The following ABLIM2 variants were observed in gnomAD, a reference collection of about 807,000 sequenced individuals.
ABLIM2 encodes the protein actin binding LIM protein family member 2.
A neutral mutation model predicts 97.7 loss-of-function variants in ABLIM2; 53 were observed. That is an observed-to-expected ratio of 0.54 (90% confidence interval 0.44 to 0.68). The LOEUF is 0.68. Ranked by LOEUF, ABLIM2 falls within the 30% of genes least tolerant of loss-of-function variation. The probability of loss-of-function intolerance (pLI) is 0.00; values close to 1 mark genes in which losing one functional copy is unlikely to be tolerated. For missense variants in ABLIM2, 835 were observed against 867.2 expected (o/e 0.96, Z 0.47); for synonymous variants, 361 against 345.8 (o/e 1.04, Z -0.49).
intron 20 of ABLIM2, among the ~76,000 whole-genome samples, chr4:7,980,686 AC>A (rs1435056838): frequency 6.6e-6 from 1 of 150,716 alleles, no homozygotes; most frequent in African/African-American, 2.4e-5. Flanking sequence ...CTGCACTCCA[AC>A]CTGAGTGACA....
In ABLIM2 at chr4:8,067,803, G is replaced by A. The variant is rs1261928058; in HGVS notation, c.676-6749C>T. The A allele has an allele frequency of 6.6e-6, 1 of 152,316 alleles. No individual in the cohort carries two copies. The highest frequency in any genetic ancestry group is 1.5e-5 in the Non-Finnish European group (1 of 68,092). 9.4% of individuals were successfully genotyped at this position (152,316 alleles called of 1,614,324 possible). A position where few individuals can be genotyped will look rare whatever the true frequency, so the allele number is the denominator to read the frequency against. On this transcript the variant is annotated intron_variant, in intron 6 of 20. Transcript: ENST00000447017. The surrounding 1 kb of genome is among the most constrained non-coding windows in gnomAD (Gnocchi z 5.4). ...TTCCTGGCTGTGTGACTCAGGCCCT[G>A]TGTCACGTGCTGGGGTTCAGTGTCC...
chr4:8,103,685 C>T (rs182646148), intron 2 of ABLIM2, among the ~76,000 whole-genome samples: 10 of 152,312 alleles, frequency 6.6e-5, no homozygotes, highest in East Asian at 3.9e-4. Context: ...CTGTCGCTGG[C>T]GAGGAAGAGG....
rs772649785 is a variant in ABLIM2 at position 8,060,932 on chromosome 4, C to A, written c.763+35G>T. 7.2e-6 allele frequency: 11 copies of A among 1,531,208 alleles called. No individual in the cohort carries two copies. In the South Asian group the frequency reaches 1.3e-4, roughly 18 times the overall value. The allele number at this position is 1,531,208 out of a possible 1,614,324, so 94.9% of individuals were successfully genotyped here. A position where few individuals can be genotyped will look rare whatever the true frequency, so the allele number is the denominator to read the frequency against. On this transcript the variant is annotated intron_variant, in intron 7 of 20. Transcript: ENST00000447017. ...GGACATCGAAGAGGGTAGTTCCTTG[C>A]TCTAGGGGACCAAACAACACATTTT...
intron 8 of ABLIM2, among the ~76,000 whole-genome samples, chr4:8,050,041 T>A (rs1794990910): frequency 6.6e-6 from 1 of 152,186 alleles, no homozygotes; most frequent in Non-Finnish European, 1.5e-5. Flanking sequence ...CAGAATGTTT[T>A]AAAATCTACC....
At chr4:8,013,709 A>G (rs919485938) in intron 14 of ABLIM2, among the ~76,000 whole-genome samples, 11 of 152,080 alleles carry the variant, frequency 7.2e-5, no homozygotes, top group African/African-American at 2.7e-4. Context: ...AAATTTTCAG[A>G]CTCAGGGCTG....
At chr4:8,080,434 C>T (rs1427491122) in intron 5 of ABLIM2, among the ~76,000 whole-genome samples, 3 of 152,182 alleles carry the variant, frequency 2.0e-5, no homozygotes, top group Non-Finnish European at 4.4e-5. Flanking sequence ...AAAAAGGAGC[C>T]GGATGCTGCA....
chr4:8,110,639 A>G (rs1256188703), intron 1 of ABLIM2, among the ~76,000 whole-genome samples: 2 of 134,366 alleles, frequency 1.5e-5, no homozygotes, highest in Non-Finnish European at 3.1e-5. Context: ...GACTGGAAAT[A>G]TACTTGGTCG....
intron 1 of ABLIM2, among the ~76,000 whole-genome samples, chr4:8,156,482 C>G (rs1164845490): frequency 1.4e-5 from 2 of 141,472 alleles, no homozygotes; most frequent in Non-Finnish European, 3.1e-5. Context: ...CAACAGGCAA[C>G]AAAAGTAAGG....
rs554691270 is a variant in ABLIM2, at chr4:8,005,197, C to T, written c.1618+2862G>A. 4.6e-5 allele frequency: 20 copies of T among 430,412 alleles called. No homozygotes were observed. The highest frequency in any genetic ancestry group is 3.6e-4 in the African/African-American group (18 of 49,908). The allele number at this position is 430,412 out of a possible 1,614,324, so 26.7% of individuals were successfully genotyped here. ...GGCGGCGGCGGGATGCGTGTGCGCT[C>T]GCTCTGTCGGCGTCTCTGCCTCTCT... On this transcript the variant is annotated intron_variant, in intron 16 of 20. Transcript: ENST00000447017. The surrounding 1 kb of genome is among the most constrained non-coding windows in gnomAD (Gnocchi z 4.9).
At chr4:7,979,437 T>C (rs1316668596) in intron 20 of ABLIM2, among the ~76,000 whole-genome samples, 1 of 152,260 alleles carries the variant, frequency 6.6e-6, no homozygotes, top group Non-Finnish European at 1.5e-5. Flanking sequence ...TTTAGGAATG[T>C]GAAAACAAGT....
intron 2 of ABLIM2, among the ~76,000 whole-genome samples, chr4:8,099,131 C>A (rs1833177957): frequency 6.6e-6 from 1 of 152,214 alleles, no homozygotes; most frequent in Non-Finnish European, 1.5e-5. Context: ...CATGAAAATC[C>A]AGAAGGAAAC....
chr4:7,970,502 G>A lies in ABLIM2; in HGVS notation c.1825-3399C>T, dbSNP rs980336716. Among the ~76,000 whole-genome samples the A allele has an allele frequency of 1.9e-4, 29 of 151,866 alleles. No individual in the cohort carries two copies. The highest frequency in any genetic ancestry group is 8.5e-4 in the Admixed American group (13 of 15,242). On this transcript the variant is annotated intron_variant, in intron 20 of 20. Transcript: ENST00000447017. This position sits in a 1 kb window ranked among gnomAD's most constrained non-coding sequence, Gnocchi z 5.3. ...GAGAGGGAGCGGATGGTGGGCAGGC[G>A]TGCCCCGCATGCTGGGGAAGGAGAG...
intron 1 of ABLIM2, among the ~76,000 whole-genome samples, chr4:8,108,185 C>T (rs575978621): frequency 3.3e-5 from 5 of 152,328 alleles, no homozygotes; most frequent in South Asian, 2.1e-4. Context: ...AGGTGGGGGA[C>T]GCAGGGGCAG....
chr4:8,154,196 T>G (rs1714351529), intron 1 of ABLIM2, among the ~76,000 whole-genome samples: 3 of 151,656 alleles, frequency 2.0e-5, no homozygotes, highest in Admixed American at 2.0e-4. Context: ...TCTCCTGACC[T>G]TGTGATCCAC....
Position 8,045,340 on chromosome 4 carries a change from A to G in ABLIM2, c.823-99T>C, listed in dbSNP as rs987824694. ...TCCACTCCAGCAGCCACGCCAGCGC[A>G]CTGCGGTGTTTCTTTAAAGTTGGGG... On this transcript the variant is annotated intron_variant, in intron 8 of 20. Coordinates refer to ENST00000447017, the MANE Select transcript of ABLIM2 (RefSeq NM_001130083.2). 8 of 1,107,068 alleles carry G rather than the reference A, an allele frequency of 7.2e-6. No individual in the cohort carries two copies. In the African/African-American group the frequency reaches 9.2e-5, roughly 13 times the overall value. The allele number at this position is 1,107,068 out of a possible 1,614,324, so 68.6% of individuals were successfully genotyped here.
chr4:8,133,646 C>G (rs955705119), intron 1 of ABLIM2, among the ~76,000 whole-genome samples: 1 of 152,216 alleles, frequency 6.6e-6, no homozygotes, highest in Admixed American at 6.5e-5. Context: ...CTCTCCTCGC[C>G]CCTCACCCCT....
intron 1 of ABLIM2, among the ~76,000 whole-genome samples, chr4:8,107,650 G>A (rs553967460): frequency 8.5e-5 from 13 of 152,354 alleles, no homozygotes; most frequent in African/African-American, 1.2e-4. Context: ...AGGCACAGGC[G>A]GTGGGCAGGA....
At chr4:8,139,562 C>T (rs921447857) in intron 1 of ABLIM2, among the ~76,000 whole-genome samples, 1 of 152,202 alleles carries the variant, frequency 6.6e-6, no homozygotes, top group African/African-American at 2.4e-5. Context: ...TACCATCTCA[C>T]ACCAGTCAGA....
Position 8,060,982 on chromosome 4 carries a change from C to T in ABLIM2, c.748G>A (p.Glu250Lys), listed in dbSNP as rs1802648450. ...RCGQMFAEGE[E>K]MYLQGSSIWH... is the part of the protein sequence containing the mutation. ...TAATTTGTACCTTGAAGATACATCTCTTCGCCTTCTGCAAACATCTGGCCG... is the reference window on the plus strand; with the variant it reads ...TAATTTGTACCTTGAAGATACATCTTTTCGCCTTCTGCAAACATCTGGCCG... Residue 250 changes from glutamate (E) to lysine (K), a missense_variant, in exon 7 of 21, where the codon GAG becomes AAG. Coordinates refer to ENST00000447017, the MANE Select transcript of ABLIM2 (RefSeq NM_001130083.2). The T allele has an allele frequency of 1.3e-6, 2 of 1,592,874 alleles. No individual in the cohort carries two copies. The highest frequency in any genetic ancestry group is 1.8e-5 in the Admixed American group (1 of 56,672).
Sources: gnomAD v4.1 joint callset for allele counts (sites outside exome capture counted in the v4.1 genomes callset) on GRCh38, gnomAD v4.1.1 for gene constraint, Gnocchi (gnomAD v3.1) non-coding constraint, MANE v1.5 for transcripts, NCBI Gene and HGNC (gene_info 2026-07-23, HGNC 2026-07-21) for gene names.